CHD7: variants seen among roughly 807,000 people sequenced by gnomAD.
The protein encoded by CHD7 is ATP-dependent chromatin remodeler CHD7.
Under a neutral mutation model 307.3 loss-of-function variants are expected in CHD7, and 24 were observed. The observed-to-expected ratio is 0.08, with a 90% CI of 0.06 to 0.11. CHD7 has a LOEUF of 0.11. Among genes scored for constraint, CHD7 ranks in the 10% least tolerant of loss-of-function variants. The pLI is 1.00. For missense variants in CHD7, 3,106 were observed against 3,727.1 expected, an observed-to-expected ratio of 0.83 and a Z score of 4.34; for synonymous variants, 1,363 against 1,349.9, an observed-to-expected ratio of 1.01 and a Z score of -0.21.
intron 1 of CHD7, among the ~76,000 whole-genome samples, chr8:60,727,746 A>G (rs1216495224): frequency 6.6e-6 from 1 of 152,264 alleles, no homozygotes; most frequent in Admixed American, 6.5e-5. Flanking sequence ...TTAAACGGCC[A>G]TATCTCAGCT....
intron 7 of CHD7, chr8:60,809,718 CATT>C (rs974543099): frequency 4.8e-5 from 7 of 145,666 alleles, no homozygotes; most frequent in African/African-American, 1.8e-4. Flanking sequence ...TTCTGACTGT[CATT>C]ATTGAGAGCT....
Position 60,860,923 on chromosome 8 carries a change from A to C in CHD7, c.7628A>C (p.Lys2543Thr), listed in dbSNP as rs1805939272. ...SLSAEDAEVT[K>T]AFEEDIETPP... ...CTGCAGGAGGATGCTGAGGTGACCA[A>C]AGCTTTTGAAGAAGATATAGAGACC... Residue 2543 changes from lysine to threonine, a missense_variant, in exon 35 of 38, where the codon AAA becomes ACA. This residue lies in a region of CHD7 where 1,030 missense variants were observed against 1,165.4 expected (regional missense o/e 0.88). Transcript: ENST00000423902. 1 of 1,613,454 alleles carries C rather than the reference A, an allele frequency of 6.2e-7. No homozygotes were observed. The highest frequency in any genetic ancestry group is 2.2e-5 in the East Asian group (1 of 44,896).
At chr8:60,807,749 T>C (rs999753733) in intron 6 of CHD7, among the ~76,000 whole-genome samples, 1 of 152,216 alleles carries the variant, frequency 6.6e-6, no homozygotes, top group Non-Finnish European at 1.5e-5. Flanking sequence ...ATTAAGTATA[T>C]GGAGAAATAA....
chr8:60,855,075 T>C (rs2129638030), intron 32 of CHD7: 1 of 152,390 alleles, frequency 6.6e-6, no homozygotes, highest in South Asian at 2.1e-4. Flanking sequence ...AATTTAGGTC[T>C]GTTTTTCAGG....
At chr8:60,845,829 T>G (rs1049119138) in intron 23 of CHD7, among the ~76,000 whole-genome samples, 4 of 152,260 alleles carry the variant, frequency 2.6e-5, no homozygotes, top group Admixed American at 1.3e-4. Flanking sequence ...TATCTGTACC[T>G]GAAATGTTTC....
At chr8:60,799,585 C>T (rs184738991) in intron 4 of CHD7, among the ~76,000 whole-genome samples, 36 of 152,176 alleles carry the variant, frequency 2.4e-4, no homozygotes, top group Admixed American at 2.2e-3. Context: ...TTTAAAATGG[C>T]CTGAAATATC....
At chr8:60,769,603 TGTA>T (rs1272203279) in intron 2 of CHD7, among the ~76,000 whole-genome samples, 1 of 152,234 alleles carries the variant, frequency 6.6e-6, no homozygotes, top group Admixed American at 6.5e-5. Flanking sequence ...AAAAATTCCA[TGTA>T]GTAGTAAGGG....
chr8:60,791,604 C>T (rs1396424204), intron 3 of CHD7, among the ~76,000 whole-genome samples: 4 of 152,178 alleles, frequency 2.6e-5, no homozygotes, highest in Admixed American at 6.5e-5. Context: ...AGTTTTGACC[C>T]TTACGGATAT....
At chr8:60,812,324 C>T (rs1042600626) in intron 7 of CHD7, among the ~76,000 whole-genome samples, 1 of 152,062 alleles carries the variant, frequency 6.6e-6, no homozygotes, top group Non-Finnish European at 1.5e-5. Flanking sequence ...TAAGTCATGG[C>T]TCTAATTTAA....
Position 60,862,533 on chromosome 8 carries a change from A to T in CHD7, c.7972-15A>T. Reference sequence around the variant, plus strand: ...AGACTGTGTTTTTAATCATTTGTCAAATGCCTCTACCCAGATGGGTGGAGC... The same window carrying T: ...AGACTGTGTTTTTAATCATTTGTCATATGCCTCTACCCAGATGGGTGGAGC... On this transcript the variant is annotated splice_polypyrimidine_tract_variant and intron_variant, in intron 36 of 37. Coordinates refer to ENST00000423902, the MANE Select transcript of CHD7 (RefSeq NM_017780.4). 6.4e-7 allele frequency: 1 copy of T among 1,556,002 alleles called. No individual in the cohort carries two copies. The highest frequency in any genetic ancestry group is 8.7e-7 in the Non-Finnish European group (1 of 1,148,026).
In CHD7 at chr8:60,865,300, C is replaced by G; in HGVS notation, c.8361C>G (p.Gly2787=). The change falls in exon 38 of 38, where the codon GGC becomes GGG. Residue 2787 remains glycine (G), a synonymous_variant. Coordinates refer to ENST00000423902, the MANE Select transcript of CHD7 (RefSeq NM_017780.4). The surrounding 1 kb of genome is among the most constrained non-coding windows in gnomAD (Gnocchi z 4.3). ...TGGCAACAGCTGCCACCGCCGGAGG[C>G]GATGCGAAGAACCCTGCTGCTGTGC... ...PGLATAATAG[G]DAKNPAAVLP... The G allele has an allele frequency of 6.2e-7, 1 of 1,610,422 alleles. No individual in the cohort carries two copies. The highest frequency in any genetic ancestry group is 1.1e-5 in the South Asian group (1 of 90,432).
At chr8:60,849,890 A>G (rs1397273439) in intron 25 of CHD7, among the ~76,000 whole-genome samples, 1 of 152,204 alleles carries the variant, frequency 6.6e-6, no homozygotes, top group Non-Finnish European at 1.5e-5. Context: ...CAGCCTCAAA[A>G]TCATTTTCCC....
intron 1 of CHD7, among the ~76,000 whole-genome samples, chr8:60,702,371 C>T (rs1290053960): frequency 6.6e-6 from 1 of 152,114 alleles, no homozygotes; most frequent in Admixed American, 6.5e-5. Flanking sequence ...AGGTATCCCC[C>T]CTACTTTTTA....
intron 2 of CHD7, among the ~76,000 whole-genome samples, chr8:60,768,348 C>T (rs1810567901): frequency 6.6e-6 from 1 of 152,146 alleles, no homozygotes; most frequent in South Asian, 2.1e-4. Flanking sequence ...GTTGTTTTCC[C>T]ATTTGATTAT....
chr8:60,688,217 G>T (rs552374455), intron 1 of CHD7, among the ~76,000 whole-genome samples: 1 of 152,236 alleles, frequency 6.6e-6, no homozygotes, highest in Admixed American at 6.5e-5. Flanking sequence ...TTTTGATGTC[G>T]GACAGATACG....
intron 4 of CHD7, among the ~76,000 whole-genome samples, chr8:60,798,760 T>C (rs750326820): frequency 5.9e-5 from 9 of 152,232 alleles, no homozygotes; most frequent in African/African-American, 1.2e-4. Flanking sequence ...GCAAACTCAT[T>C]CCATAGGTTG....
In CHD7 at chr8:60,795,209, C is replaced by T; in HGVS notation, c.2238+82C>T. On this transcript the variant is annotated intron_variant, in intron 4 of 37. Transcript: ENST00000423902. Reference sequence around the variant, plus strand: ...CATGTATGAAGTACACAAGACCTCCCCTATCTTGTTATAGAGATGCTCTTG... The same window carrying T: ...CATGTATGAAGTACACAAGACCTCCTCTATCTTGTTATAGAGATGCTCTTG... The T allele has an allele frequency of 3.1e-6, 4 of 1,300,360 alleles. No individual in the cohort carries two copies. In the South Asian group the frequency reaches 4.2e-5, roughly 14 times the overall value. The allele number at this position is 1,300,360 out of a possible 1,614,324, so 80.6% of individuals were successfully genotyped here.
At chr8:60,813,113 G>T (rs923913669) in intron 7 of CHD7, among the ~76,000 whole-genome samples, 1 of 152,026 alleles carries the variant, frequency 6.6e-6, no homozygotes, top group African/African-American at 2.4e-5. Context: ...TATACAAATT[G>T]TACACATTTT....
At chr8:60,722,514 C>T (rs1340065952) in intron 1 of CHD7, among the ~76,000 whole-genome samples, 1 of 152,004 alleles carries the variant, frequency 6.6e-6, no homozygotes, top group Non-Finnish European at 1.5e-5. Context: ...CATGAGAACC[C>T]CAAAGAGCTT....
Sources: gnomAD v4.1 joint callset for allele counts (sites outside exome capture counted in the v4.1 genomes callset) on GRCh38, gnomAD v4.1.1 for gene constraint, gnomAD v4.1.1 regional missense constraint, Gnocchi (gnomAD v3.1) non-coding constraint, MANE v1.5 for transcripts, NCBI Gene and HGNC (gene_info 2026-07-23, HGNC 2026-07-21) for gene names.